The following BCAS3 variants were observed in gnomAD, a reference collection of about 807,000 sequenced individuals.
BCAS3 encodes BCAS3 microtubule associated cell migration factor, also known as BCAS4/BCAS3 fusion.
BCAS3 carries 53 observed loss-of-function variants against 116.1 expected under a neutral mutation model. That is an observed-to-expected ratio of 0.46 (90% CI 0.37 to 0.57). The LOEUF (loss-of-function observed/expected upper bound fraction) is 0.57. Ranked by LOEUF, BCAS3 falls within the 20% of genes least tolerant of loss-of-function variation. BCAS3 has a pLI of 0.00. For synonymous variants in BCAS3, 391 were observed against 408.2 expected (o/e 0.96, Z 0.51); for missense variants, 917 against 1,165.4 (o/e 0.79, Z 3.10).
chr17:60,736,816 G>A (rs908331901), intron 5 of BCAS3, among the ~76,000 whole-genome samples: 18 of 152,032 alleles, frequency 1.2e-4, no homozygotes, highest in African/African-American at 1.7e-4. Flanking sequence ...AGAGTTGTTC[G>A]TAATGTTCCT....
intron 6 of BCAS3, among the ~76,000 whole-genome samples, chr17:60,792,147 A>G (rs1476718988): frequency 6.6e-6 from 1 of 152,002 alleles, no homozygotes; most frequent in African/African-American, 2.4e-5. Flanking sequence ...AACAAACAAA[A>G]ATCCCCGTTG....
Position 61,294,743 on chromosome 17 carries a change from G to A in BCAS3, c.2426-73584G>A, listed in dbSNP as rs183709499. ...TCTTGTCACTTAAAAACATTAAGAC[G>A]TGCTCCATCCAGTCTCCATTGCTGG... On this transcript the variant is annotated intron_variant, in intron 22 of 23. Transcript: ENST00000407086. Among the ~76,000 whole-genome samples, 4 of 152,240 alleles carry A rather than the reference G, an allele frequency of 2.6e-5. 1 individual carries two copies. In the East Asian group the frequency reaches 5.8e-4, roughly 22 times the overall value.
At chr17:60,850,515 C>T (rs9915903) in intron 7 of BCAS3, among the ~76,000 whole-genome samples, 28,413 of 151,608 alleles carry the variant, frequency 0.19, 3,204 homozygotes, top group African/African-American at 0.32. Context: ...CCCGCCACCA[C>T]ACCCAGCTAA....
In BCAS3 at chr17:61,348,633, A is replaced by G. The variant is rs966913846; in HGVS notation, c.2426-19694A>G. On this transcript the variant is annotated intron_variant, in intron 22 of 23. Coordinates refer to ENST00000407086, the MANE Select transcript of BCAS3 (RefSeq NM_017679.5). This position sits in a 1 kb window ranked among gnomAD's most constrained non-coding sequence, Gnocchi z 4.5. Reference sequence around the variant, plus strand: ...GCTAGGGAGTAGTCAGCAATTTCCCAATGAAGTCAACTTGCTTTATAGAGT... The same window carrying G: ...GCTAGGGAGTAGTCAGCAATTTCCCGATGAAGTCAACTTGCTTTATAGAGT... 1.3e-5 allele frequency among the ~76,000 whole-genome samples: 2 copies of G among 152,140 alleles called. No individual in the cohort carries two copies. Among genetic ancestry groups the G allele is most frequent in the African/African-American group, 4.8e-5 (2 of 41,432 alleles).
intron 5 of BCAS3, among the ~76,000 whole-genome samples, chr17:60,715,528 A>AGTAG (rs2038491295): frequency 6.6e-6 from 1 of 151,170 alleles, no homozygotes; most frequent in South Asian, 2.1e-4. Flanking sequence ...TCTCTGTGAC[A>AGTAG]CTCAGGCTAG....
chr17:61,007,895 C>T lies in BCAS3; in HGVS notation c.1487-7856C>T, dbSNP rs890738156. On this transcript the variant is annotated intron_variant, in intron 15 of 23. Coordinates refer to ENST00000407086, the MANE Select transcript of BCAS3 (RefSeq NM_017679.5). The surrounding 1 kb of genome is among the most constrained non-coding windows in gnomAD (Gnocchi z 4.3). Reference sequence around the variant, plus strand: ...TGCATCAAAAATTGCAGTGTTTTTACTTCACCATCGATTGCCTCCAAAAAA... The same window carrying T: ...TGCATCAAAAATTGCAGTGTTTTTATTTCACCATCGATTGCCTCCAAAAAA... 6.6e-6 allele frequency among the ~76,000 whole-genome samples: 1 copy of T among 152,056 alleles called. No individual in the cohort carries two copies. The highest frequency in any genetic ancestry group is 1.5e-5 in the Non-Finnish European group (1 of 67,976).
intron 7 of BCAS3, among the ~76,000 whole-genome samples, chr17:60,859,137 A>G (rs913979222): frequency 3.3e-5 from 5 of 152,206 alleles, no homozygotes; most frequent in African/African-American, 4.8e-5. Context: ...GAAAATAAAC[A>G]TATGACTTAA....
At position 61,276,298 on chromosome 17, in the gene BCAS3, A is replaced by G. The variant is rs1447381269; in HGVS notation, c.2426-92029A>G. 6.6e-6 allele frequency among the ~76,000 whole-genome samples: 1 copy of G among 152,116 alleles called. No individual in the cohort carries two copies. The highest frequency in any genetic ancestry group is 1.5e-5 in the Non-Finnish European group (1 of 68,004). On this transcript the variant is annotated intron_variant, in intron 22 of 23. Coordinates refer to ENST00000407086, the MANE Select transcript of BCAS3 (RefSeq NM_017679.5). The surrounding 1 kb of genome is among the most constrained non-coding windows in gnomAD (Gnocchi z 4.2). The stretch of plus-strand genomic sequence containing the variant: ...AACCTGGGAGGCAGAGGTTGCAGTG[A>G]GCCAAGATCATGCCATTGCACTCCA...
Position 61,128,287 on chromosome 17 carries a change from T to C in BCAS3, c.2425+43723T>C. The C allele has an allele frequency of 3.0e-6, 3 of 985,404 alleles. No individual in the cohort carries two copies. The highest frequency in any genetic ancestry group is 3.6e-6 in the Non-Finnish European group (3 of 829,914). 61.0% of individuals were successfully genotyped at this position (985,404 alleles called of 1,614,324 possible). ...AGGCTTTGACTTAAATCAGATTTCA[T>C]CTACGGCTGAGATGCAGAGGAGAGA... On this transcript the variant is annotated intron_variant, in intron 22 of 23. Transcript: ENST00000407086. The surrounding 1 kb of genome is among the most constrained non-coding windows in gnomAD (Gnocchi z 4.1).
At chr17:61,330,658 C>G (rs1268843933) in intron 22 of BCAS3, among the ~76,000 whole-genome samples, 1 of 152,226 alleles carries the variant, frequency 6.6e-6, no homozygotes, top group African/African-American at 2.4e-5. Context: ...AGGAGTCCCC[C>G]TGCCCATCTG....
intron 22 of BCAS3, among the ~76,000 whole-genome samples, chr17:61,334,468 C>A (rs2056544026): frequency 1.3e-5 from 2 of 152,050 alleles, no homozygotes; most frequent in African/African-American, 4.8e-5. Context: ...GAGTTCAAGA[C>A]CAGCCTGACC....
intron 16 of BCAS3, among the ~76,000 whole-genome samples, chr17:61,033,610 A>G: frequency 6.6e-6 from 1 of 152,190 alleles, no homozygotes; most frequent in East Asian, 1.9e-4. Flanking sequence ...AATAAGGTAG[A>G]ACTAATGTTT....
intron 6 of BCAS3, 46 bp downstream of exon 6, chr17:60,747,325 C>A: frequency 1.3e-6 from 2 of 1,499,874 alleles, no homozygotes; most frequent in Non-Finnish European, 1.8e-6. Context: ...AAGAGTTTCT[C>A]TTTTGTTGGT....
chr17:60,757,860 C>T (rs1886332571), intron 6 of BCAS3, among the ~76,000 whole-genome samples: 1 of 151,688 alleles, frequency 6.6e-6, no homozygotes, highest in South Asian at 2.1e-4. Flanking sequence ...AAGTGTTTTC[C>T]ATATATATAT....
intron 14 of BCAS3, among the ~76,000 whole-genome samples, chr17:60,966,288 C>A (rs567881278): frequency 1.3e-5 from 2 of 152,114 alleles, no homozygotes; most frequent in African/African-American, 4.8e-5. Flanking sequence ...TCAGCCACTC[C>A]GTGCCTTTTA....
At chr17:60,893,600 CTTTTTTTTTTTTTTT>C (rs930873750) in intron 10 of BCAS3, among the ~76,000 whole-genome samples, 7 of 82,054 alleles carry the variant, frequency 8.5e-5, no homozygotes, top group Non-Finnish European at 1.1e-4. Context: ...GACCTATGAT[CTTTTTTTTTTTTTTT>C]TTTTTTTTTG....
chr17:60,762,715 G>T (rs1702561757), intron 6 of BCAS3, among the ~76,000 whole-genome samples: 1 of 152,154 alleles, frequency 6.6e-6, no homozygotes, highest in Admixed American at 6.5e-5. Context: ...CTTTAAAGTA[G>T]TTTTTTCCAA....
chr17:61,056,849 C>T lies in BCAS3; in HGVS notation c.2029+15957C>T, dbSNP rs924221041. ...CATCCATGCACAGATTTTTTCTCTC[C>T]AGTTATGGAAAACCTCATAGTTGTT... On this transcript the variant is annotated intron_variant, in intron 19 of 23. Coordinates refer to ENST00000407086, the MANE Select transcript of BCAS3 (RefSeq NM_017679.5). This position sits in a 1 kb window ranked among gnomAD's most constrained non-coding sequence, Gnocchi z 4.9. Among the ~76,000 whole-genome samples, 268 of 152,282 alleles carry T rather than the reference C, an allele frequency of 1.8e-3. 2 individuals are homozygous for T. The highest frequency in any genetic ancestry group is 4.1e-4 in the Non-Finnish European group (28 of 68,016).
chr17:60,693,076 A>G (rs950685084), intron 4 of BCAS3, among the ~76,000 whole-genome samples: 8 of 151,770 alleles, frequency 5.3e-5, no homozygotes, highest in African/African-American at 1.5e-4. Context: ...GGGTTTCACC[A>G]TGTTGGCCAG....
Sources: allele counts gnomAD v4.1 joint callset (sites outside exome capture counted in the v4.1 genomes callset), GRCh38; gene constraint gnomAD v4.1.1; non-coding constraint Gnocchi (gnomAD v3.1); transcripts MANE v1.5; gene names NCBI Gene and HGNC (gene_info 2026-07-23, HGNC 2026-07-21).